EEF2: variants seen among roughly 807,000 people sequenced by gnomAD.
The protein encoded by EEF2 is eukaryotic translation elongation factor 2.
In EEF2, 21 loss-of-function variants were observed where a neutral mutation model predicts 85.3. The ratio of observed to expected loss-of-function variants is 0.25; its 90% CI spans 0.17 to 0.35. The LOEUF (loss-of-function observed/expected upper bound fraction) is 0.35. EEF2 is among the 10% of genes least tolerant of loss of function. The pLI is 1.00. For missense variants in EEF2, 825 were observed against 1,225.3 expected (o/e 0.67, Z 4.88); for synonymous variants, 723 against 508.8 (o/e 1.42, Z -5.67).
In EEF2 at chr19:3,983,022, G is replaced by A; in HGVS notation, c.401-4C>T. 6.2e-6 allele frequency: 10 copies of A among 1,612,666 alleles called. No homozygotes were observed. Among genetic ancestry groups the A allele is most frequent in the South Asian group, 1.1e-5 (1 of 91,060 alleles). On this transcript the variant is annotated splice_polypyrimidine_tract_variant and splice_region_variant and intron_variant, in intron 3 of 14. Coordinates refer to ENST00000309311, the MANE Select transcript of EEF2 (RefSeq NM_001961.4). The stretch of plus-strand genomic sequence containing the variant: ...GTCTCCGTCTGCACGCACACGCCTG[G>A]GGACACGGGGGACAGGGCGGCGCTG...
Position 3,984,261 on chromosome 19 carries a change from GC to G in EEF2, c.92del (p.Gly31AlafsTer5). On this transcript the variant is annotated frameshift_variant, in exon 2 of 15. Coordinates refer to ENST00000309311, the MANE Select transcript of EEF2 (RefSeq NM_001961.4). LOFTEE classifies it high-confidence loss of function. ...CCAGGGAGTCTGTCAGCGTGGACTT[GC>G]CATGGTCCACGTGGGCGATGACAGA... is the stretch of plus-strand genomic sequence containing the variant. ...NMSVIAHVDHGKSTLTDSLVC... is the reference protein window; with the variant it reads ...NMSVIAHVDHXKSTLTDSLVC... The G allele has an allele frequency of 6.2e-7, 1 of 1,614,196 alleles. No individual in the cohort carries two copies. Among genetic ancestry groups the G allele is most frequent in the Non-Finnish European group, 8.5e-7 (1 of 1,180,034 alleles).
intron 11 of EEF2, among the ~76,000 whole-genome samples, chr19:3,978,917 C>T (rs112807273): frequency 1.3e-4 from 20 of 149,770 alleles, no homozygotes; most frequent in African/African-American, 4.7e-4. Context: ...GTCAGGAGAT[C>T]GAGACCATCT....
At chr19:3,985,352 G>C in intron 1 of EEF2, 26 bp downstream of exon 1, 1 of 1,473,642 alleles carries the variant, frequency 6.8e-7, no homozygotes. Flanking sequence ...GCCGCTCCGG[G>C]GCACCAGCGA....
chr19:3,977,741 G>C lies in EEF2; in HGVS notation c.2067+78C>G. 1.3e-6 allele frequency: 2 copies of C among 1,494,956 alleles called. No individual in the cohort carries two copies. The highest frequency in any genetic ancestry group is 1.8e-6 in the Non-Finnish European group (2 of 1,124,000). The allele number at this position is 1,494,956 out of a possible 1,614,324, so 92.6% of individuals were successfully genotyped here. A position where few individuals can be genotyped will look rare whatever the true frequency, so the allele number is the denominator to read the frequency against. ...CCGCCTTGGCCCCATTAGGGTCTCT[G>C]TCTCGGGAGGCAGGACCATGAGGTC... is the stretch of plus-strand genomic sequence containing the variant. On this transcript the variant is annotated intron_variant, in intron 12 of 14. Transcript: ENST00000309311. The surrounding 1 kb of genome is among the most constrained non-coding windows in gnomAD (Gnocchi z 5.4).
Position 3,977,448 on chromosome 19 carries a change from T to C in EEF2, c.2230A>G (p.Ile744Val), listed in dbSNP as rs1437215137. Residue 744 changes from isoleucine (I) to valine (V), a missense_variant, in exon 13 of 15, where the codon ATC (isoleucine) becomes GTC (valine). Ile to Val is a conservative substitution (Grantham distance 29). Coordinates refer to ENST00000309311, the MANE Select transcript of EEF2 (RefSeq NM_001961.4). This position sits in a 1 kb window ranked among gnomAD's most constrained non-coding sequence, Gnocchi z 5.4. ...LTAQPRLMEP[I>V]YLVEIQCPEQ... ...CTCACCTGGATCTCCACAAGGTAGA[T>C]GGGCTCCATGAGGCGTGGCTGGGCG... 2.5e-6 allele frequency: 4 copies of C among 1,582,114 alleles called. No individual in the cohort carries two copies. The highest frequency in any genetic ancestry group is 2.3e-5 in the East Asian group (1 of 44,270).
At chr19:3,982,596 C>T in intron 4 of EEF2, 172 bp from the exon 5 acceptor site, 1 of 1,071,528 alleles carries the variant, frequency 9.3e-7, no homozygotes, top group Non-Finnish European at 1.4e-6. Context: ...CCTCCACCAC[C>T]CAGGGCAGCG....
chr19:3,985,171 G>A (rs868460012), intron 1 of EEF2: 6 of 492,400 alleles, frequency 1.2e-5, no homozygotes, highest in Admixed American at 8.8e-5. Flanking sequence ...GCAAGGTTAT[G>A]GCGCCCTCGG....
At chr19:3,983,772 G>A (rs2039785218) in intron 2 of EEF2, 1 of 340,762 alleles carries the variant, frequency 2.9e-6, no homozygotes, top group South Asian at 3.2e-5. Flanking sequence ...AAACTGACAT[G>A]GAATGAACAT....
At chr19:3,982,183 C>A in intron 5 of EEF2, 63 bp downstream of exon 5, 4 of 1,604,278 alleles carry the variant, frequency 2.5e-6, no homozygotes, top group Non-Finnish European at 3.4e-6. Flanking sequence ...CACACCACGC[C>A]CCTACGTCGC....
chr19:3,985,353 G>A (rs766685718), intron 1 of EEF2, 25 bp downstream of exon 1: 22 of 1,474,406 alleles, frequency 1.5e-5, no homozygotes, highest in South Asian at 5.4e-5. Context: ...CCGCTCCGGG[G>A]CACCAGCGAG....
intron 11 of EEF2, among the ~76,000 whole-genome samples, chr19:3,978,682 G>C (rs1398341173): frequency 6.6e-6 from 1 of 151,470 alleles, no homozygotes; most frequent in Non-Finnish European, 1.5e-5. Context: ...GCAGGCGCCT[G>C]AAGTCCCAGC....
chr19:3,984,896 T>C (rs996760617), intron 1 of EEF2: 2 of 168,546 alleles, frequency 1.2e-5, no homozygotes, highest in African/African-American at 2.4e-5. Context: ...GAAGGACAAG[T>C]GCCTAAGGTC....
In EEF2 at chr19:3,979,321, C is replaced by T. The variant is rs377320364; in HGVS notation, c.1713+8G>A. ...GGGCGTGGGGAAGGCTGGTCACTGG[C>T]GCCTCACCTTGATGGGGATGCAGGC... On this transcript the variant is annotated splice_region_variant and intron_variant, in intron 11 of 14. Transcript: ENST00000309311. The T allele has an allele frequency of 1.3e-5, 21 of 1,611,616 alleles. No individual in the cohort carries two copies. The highest frequency in any genetic ancestry group is 6.7e-5 in the Admixed American group (4 of 59,962).
At chr19:3,980,396 T>C in intron 9 of EEF2, 118 bp downstream of exon 9, 2 of 1,284,984 alleles carry the variant, frequency 1.6e-6, no homozygotes, top group Non-Finnish European at 2.1e-6. Flanking sequence ...GGCACAAGTA[T>C]CACCCTATAT....
chr19:3,980,486 G>A lies in EEF2; in HGVS notation c.1346+28C>T, dbSNP rs776044542. On this transcript the variant is annotated intron_variant, in intron 9 of 14. Transcript: ENST00000309311. ...AGGGCAGGGCCCGCAACAGTGCCAA[G>A]GGGCCTGCACATCACCCAGCTGCTC... The A allele has an allele frequency of 4.4e-6, 7 of 1,598,538 alleles. No individual in the cohort carries two copies. In the East Asian group the frequency reaches 1.3e-4, roughly 31 times the overall value.
At position 3,976,445 on chromosome 19, in the gene EEF2, G is replaced by C; in HGVS notation, c.*109C>G. On this transcript the variant is annotated 3_prime_UTR_variant, in exon 15 of 15. Transcript: ENST00000309311. Reference sequence around the variant, plus strand: ...CAGCGGGCCCCAGAAACCTCTCAGGGGAGCGTCGCTGTGTCGGGACAGTCT... The same window carrying C: ...CAGCGGGCCCCAGAAACCTCTCAGGCGAGCGTCGCTGTGTCGGGACAGTCT... 7.7e-7 allele frequency: 1 copy of C among 1,296,688 alleles called. No homozygotes were observed. Among genetic ancestry groups the C allele is most frequent in the Non-Finnish European group, 1.1e-6 (1 of 945,682 alleles). 80.3% of individuals were successfully genotyped at this position (1,296,688 alleles called of 1,614,324 possible). A position where few individuals can be genotyped will look rare whatever the true frequency, so the allele number is the denominator to read the frequency against.
In EEF2 at chr19:3,985,427, A is replaced by C. The variant is rs761180832; in HGVS notation, c.-47T>G. 2.0e-6 allele frequency: 3 copies of C among 1,467,168 alleles called. No homozygotes were observed. The highest frequency in any genetic ancestry group is 2.7e-6 in the Non-Finnish European group (3 of 1,102,658). The allele number at this position is 1,467,168 out of a possible 1,614,324, so 90.9% of individuals were successfully genotyped here. A position where few individuals can be genotyped will look rare whatever the true frequency, so the allele number is the denominator to read the frequency against. ...CTCCCAGGTAGAACCGAAAGAAGCG[A>C]GTCGCGCCGAGGATGGCGGCGACGA... On this transcript the variant is annotated 5_prime_UTR_variant, in exon 1 of 15. Transcript: ENST00000309311.
rs1024541795 is a variant in EEF2 at position 3,984,405 on chromosome 19, G to A, written c.4-55C>T. The A allele has an allele frequency of 8.9e-6, 14 of 1,578,332 alleles. No individual in the cohort carries two copies. The Admixed American group carries it at 1.2e-4, about 13-fold the overall frequency. On this transcript the variant is annotated intron_variant, in intron 1 of 14. Transcript: ENST00000309311. ...TCGTGATTTCCAGGAACACAGCATG[G>A]CACGGAGCGTTCAGTCCAAACGAAC... is the stretch of plus-strand genomic sequence containing the variant.
At chr19:3,980,125 G>A in intron 9 of EEF2, 59 bp from the exon 10 acceptor site, 4 of 1,569,290 alleles carry the variant, frequency 2.5e-6, no homozygotes, top group Non-Finnish European at 3.4e-6. Context: ...ACCCTGGAGG[G>A]CCAGGGCAGG....
Sources: allele counts gnomAD v4.1 joint callset (sites outside exome capture counted in the v4.1 genomes callset), GRCh38; gene constraint gnomAD v4.1.1; non-coding constraint Gnocchi (gnomAD v3.1); transcripts MANE v1.5; gene names NCBI Gene and HGNC (gene_info 2026-07-23, HGNC 2026-07-21).